The following ASB3 variants were observed in gnomAD, a reference collection of about 807,000 sequenced individuals.
The protein encoded by ASB3 is ankyrin repeat and SOCS box protein 3.
A neutral mutation model predicts 54.5 loss-of-function variants in ASB3; 41 were observed. That is an observed-to-expected ratio of 0.75 (90% CI 0.59 to 0.98). The LOEUF is 0.98. Among genes scored for constraint, ASB3 ranks in the 50% least tolerant of loss-of-function variants. The pLI is 0.00. For missense variants in ASB3, 733 were observed against 620.0 expected (o/e 1.18, Z -1.94); for synonymous variants, 266 against 221.2 (o/e 1.20, Z -1.80).
At chr2:53,712,923 T>A (rs1670187688) in intron 7 of ASB3, among the ~76,000 whole-genome samples, 2 of 152,268 alleles carry the variant, frequency 1.3e-5, no homozygotes, top group Admixed American at 1.3e-4. Context: ...AGGGCTCTTC[T>A]GTTTAAAAAG....
chr2:53,681,058 GCT>G (rs1271553979), intron 9 of ASB3, among the ~76,000 whole-genome samples: 4 of 152,086 alleles, frequency 2.6e-5, no homozygotes, highest in Non-Finnish European at 5.9e-5. Context: ...CAAATGACAG[GCT>G]CTCATTCTTT....
At chr2:53,742,846 A>C (rs963785791) in intron 3 of ASB3, among the ~76,000 whole-genome samples, 1 of 152,202 alleles carries the variant, frequency 6.6e-6, no homozygotes, top group Non-Finnish European at 1.5e-5. Context: ...TGGCCCAAGA[A>C]CACCACCATA....
intron 1 of ASB3, chr2:53,774,624 TAA>T: frequency 1.1e-6 from 1 of 870,292 alleles, no homozygotes; most frequent in East Asian, 2.9e-5. Context: ...GGATATTATT[TAA>T]ACTTTTATTT....
chr2:53,767,982 C>T, intron 1 of ASB3: 1 of 1,611,624 alleles, frequency 6.2e-7, no homozygotes, highest in Non-Finnish European at 8.5e-7. Flanking sequence ...GCAGGCGCTT[C>T]TGGCAGGGCA....
At chr2:53,762,195 A>G (rs1308132646) in intron 2 of ASB3, among the ~76,000 whole-genome samples, 1 of 147,228 alleles carries the variant, frequency 6.8e-6, no homozygotes, top group South Asian at 2.2e-4. Context: ...GTGTGTGTGT[A>G]TACATACACA....
chr2:53,683,395 C>T (rs1008854755), intron 9 of ASB3, among the ~76,000 whole-genome samples: 3 of 151,382 alleles, frequency 2.0e-5, no homozygotes, highest in African/African-American at 7.3e-5. Context: ...CAATATTCAT[C>T]AGGGATACTG....
At chr2:53,765,887 C>A (rs1673419385) in intron 1 of ASB3, among the ~76,000 whole-genome samples, 1 of 151,834 alleles carries the variant, frequency 6.6e-6, no homozygotes, top group Non-Finnish European at 1.5e-5. Context: ...TGTTCATACC[C>A]CACCACAACG....
chr2:53,740,647 G>A (rs1391202694), intron 3 of ASB3, among the ~76,000 whole-genome samples: 3 of 152,106 alleles, frequency 2.0e-5, no homozygotes, highest in South Asian at 4.1e-4. Context: ...GCATACTGAT[G>A]GGAAAAACCA....
intron 3 of ASB3, among the ~76,000 whole-genome samples, chr2:53,734,112 T>G (rs1488790684): frequency 6.6e-6 from 1 of 152,204 alleles, no homozygotes; most frequent in Admixed American, 6.5e-5. Context: ...ACCCACATCC[T>G]TCCAGCGTGG....
In ASB3 at chr2:53,714,543, C is replaced by T. The variant is rs773732902; in HGVS notation, c.821G>A (p.Cys274Tyr). ...DLLIPLTNRA[C>Y]DTGLNKVSPV... is the part of the protein sequence containing the mutation. ...GCTTACTTTGTTTAGCCCAGTGTCA[C>T]AGGCCCGGTTAGTAAGTGGTATTAA... is the stretch of plus-strand genomic sequence containing the variant. The change falls in exon 7 of 10, where the codon TGT becomes TAT. Residue 274 changes from cysteine (C) to tyrosine (Y), a missense_variant. Cys to Tyr is a radical substitution (Grantham distance 194). Transcript: ENST00000263634. The T allele has an allele frequency of 9.3e-6, 15 of 1,614,054 alleles. No individual in the cohort carries two copies. The Middle Eastern group carries it at 6.6e-4, about 71-fold the overall frequency.
chr2:53,754,873 T>G (rs1210253250), intron 2 of ASB3, among the ~76,000 whole-genome samples: 2 of 152,212 alleles, frequency 1.3e-5, no homozygotes, highest in African/African-American at 4.8e-5. Context: ...AAATTAGTTT[T>G]GAAAGTTCCA....
At chr2:53,748,167 C>T (rs1558557318) in intron 3 of ASB3, 1 of 152,260 alleles carries the variant, frequency 6.6e-6, no homozygotes, top group Non-Finnish European at 1.5e-5. Context: ...AGTATACACT[C>T]TGCTTAATAA....
intron 3 of ASB3, among the ~76,000 whole-genome samples, chr2:53,748,948 A>T (rs1239267714): frequency 6.6e-6 from 1 of 152,152 alleles, no homozygotes; most frequent in African/African-American, 2.4e-5. Flanking sequence ...TATTGCTTTT[A>T]GGAGTTCACA....
At chr2:53,686,109 G>A (rs1045846622) in intron 9 of ASB3, among the ~76,000 whole-genome samples, 4 of 152,156 alleles carry the variant, frequency 2.6e-5, no homozygotes, top group Admixed American at 2.0e-4. Flanking sequence ...CCTTTCTGAA[G>A]TATCATGGAA....
intron 9 of ASB3, among the ~76,000 whole-genome samples, chr2:53,672,172 C>T (rs1489043489): frequency 6.6e-6 from 1 of 152,058 alleles, no homozygotes; most frequent in Non-Finnish European, 1.5e-5. Flanking sequence ...TTTCAAAATG[C>T]CAAATAAGAA....
chr2:53,744,827 C>A (rs1672139398), intron 3 of ASB3, among the ~76,000 whole-genome samples: 1 of 152,210 alleles, frequency 6.6e-6, no homozygotes, highest in South Asian at 2.1e-4. Flanking sequence ...AAAGTTAAAG[C>A]ATATGCTATG....
chr2:53,706,905 T>G (rs1390375783), intron 7 of ASB3, among the ~76,000 whole-genome samples: 2 of 152,206 alleles, frequency 1.3e-5, no homozygotes, highest in South Asian at 2.1e-4. Context: ...TGCTCAAGTG[T>G]TGAGCTAACA....
chr2:53,784,783 T>C (rs1264123752), intron 1 of ASB3, among the ~76,000 whole-genome samples: 7 of 152,214 alleles, frequency 4.6e-5, no homozygotes, highest in Non-Finnish European at 4.4e-5. Context: ...ACTTGAATTA[T>C]ATTTGCAAAG....
intron 4 of ASB3, among the ~76,000 whole-genome samples, 167 bp from the exon 5 acceptor site, chr2:53,729,014 C>T (rs765390556): frequency 5.3e-5 from 8 of 151,436 alleles, no homozygotes; most frequent in African/African-American, 7.3e-5. Flanking sequence ...ATTGGCCAAA[C>T]GATCAGATTA....
Sources: allele counts gnomAD v4.1 joint callset (sites outside exome capture counted in the v4.1 genomes callset), GRCh38; gene constraint gnomAD v4.1.1; transcripts MANE v1.5; gene names NCBI Gene and HGNC (gene_info 2026-07-23, HGNC 2026-07-21).